The following HDGFL3 variants were observed in gnomAD, a reference collection of about 807,000 sequenced individuals.
HDGFL3 encodes hepatoma-derived growth factor-related protein 3.
Under a neutral mutation model 27.6 loss-of-function variants are expected in HDGFL3, and 6 were observed. The observed-to-expected ratio is 0.22, with a 90% confidence interval of 0.12 to 0.43. The LOEUF (loss-of-function observed/expected upper bound fraction) is 0.43. Among genes scored for constraint, HDGFL3 ranks in the 20% least tolerant of loss-of-function variants. The pLI, the probability that HDGFL3 is intolerant of heterozygous loss-of-function variation, is 1.00. For synonymous variants in HDGFL3, 88 were observed against 88.9 expected, an observed-to-expected ratio of 0.99 and a Z score of 0.05; for missense variants, 207 against 250.1, an observed-to-expected ratio of 0.83 and a Z score of 1.16.
rs114166284 is a variant in HDGFL3 at position 83,174,820 on chromosome 15, A to C, written c.85-10745T>G. Among the ~76,000 whole-genome samples, 1,057 of 152,344 alleles carry C rather than the reference A, an allele frequency of 6.9e-3. 20 individuals are homozygous for C. Among genetic ancestry groups the C allele is most frequent in the African/African-American group, 0.025 (1,029 of 41,578 alleles). The stretch of plus-strand genomic sequence containing the variant: ...TTTGAAACTTCTTTCAAACAAAAAC[A>C]ACCTTTGGTTAAGCTCTTCCTCTGC... On this transcript the variant is annotated intron_variant, in intron 1 of 5. Transcript: ENST00000299633.
intron 5 of HDGFL3, among the ~76,000 whole-genome samples, chr15:83,141,657 C>G (rs1256170501): frequency 6.6e-6 from 1 of 152,070 alleles, no homozygotes; most frequent in Non-Finnish European, 1.5e-5. Flanking sequence ...GATCACAGCT[C>G]ACTGCAGCCT....
rs866262617 is a variant in HDGFL3, at chr15:83,136,761, C to A, written c.*2509G>T. The A allele has an allele frequency of 6.5e-5, 70 of 1,074,596 alleles. 1 individual carries two copies. Among genetic ancestry groups the A allele is most frequent in the South Asian group, 2.6e-4 (16 of 62,592 alleles). 66.6% of individuals were successfully genotyped at this position (1,074,596 alleles called of 1,614,324 possible). A position where few individuals can be genotyped will look rare whatever the true frequency, so the allele number is the denominator to read the frequency against. On this transcript the variant is annotated 3_prime_UTR_variant, in exon 6 of 6. Transcript: ENST00000299633. The stretch of plus-strand genomic sequence containing the variant: ...TGTCCCATTTCACTCTCTTCTCATA[C>A]GTGAGTACTTAAGAATATGTACATT...
intron 1 of HDGFL3, among the ~76,000 whole-genome samples, chr15:83,199,013 C>CA (rs1013784597): frequency 6.6e-6 from 1 of 152,144 alleles, no homozygotes; most frequent in Non-Finnish European, 1.5e-5. Flanking sequence ...AGGTTACAGT[C>CA]AAAAAACCTG....
At chr15:83,175,168 A>G (rs2037293363) in intron 1 of HDGFL3, among the ~76,000 whole-genome samples, 2 of 152,160 alleles carry the variant, frequency 1.3e-5, no homozygotes, top group African/African-American at 4.8e-5. Flanking sequence ...AACACTGTAA[A>G]TGTCTTCTTT....
intron 1 of HDGFL3, chr15:83,189,418 T>C (rs2037484387): frequency 1.3e-5 from 2 of 152,518 alleles, no homozygotes; most frequent in South Asian, 4.1e-4. Flanking sequence ...CTGCGCCTCA[T>C]TTGCCTTCTT....
At chr15:83,180,142 T>C (rs2037362142) in intron 1 of HDGFL3, among the ~76,000 whole-genome samples, 1 of 151,104 alleles carries the variant, frequency 6.6e-6, no homozygotes, top group Non-Finnish European at 1.5e-5. Flanking sequence ...AAGACCAAAG[T>C]GTCCTGATTG....
intron 1 of HDGFL3, among the ~76,000 whole-genome samples, chr15:83,183,466 T>TA (rs2037403747): frequency 6.6e-6 from 1 of 152,102 alleles, no homozygotes; most frequent in African/African-American, 2.4e-5. Context: ...TGATTGAATA[T>TA]AAAGAGCACC....
At chr15:83,197,793 C>T (rs1291976668) in intron 1 of HDGFL3, among the ~76,000 whole-genome samples, 5 of 152,038 alleles carry the variant, frequency 3.3e-5, no homozygotes, top group East Asian at 1.9e-4. Flanking sequence ...AGGCCGGGCA[C>T]GGTGGCTCAC....
At chr15:83,177,065 G>A (rs1026097935) in intron 1 of HDGFL3, among the ~76,000 whole-genome samples, 2 of 152,090 alleles carry the variant, frequency 1.3e-5, no homozygotes, top group Admixed American at 6.5e-5. Context: ...TTACAGGCAC[G>A]TGTCACTATG....
At chr15:83,113,095 C>T in exon 4 of HDGFL3, 1 of 593,200 alleles carries the variant, frequency 1.7e-6, no homozygotes, top group Non-Finnish European at 3.0e-6. Context: ...CACCCTCTCC[C>T]AGGTGGCATC....
At chr15:83,172,822 C>CA (rs767796165) in intron 1 of HDGFL3, among the ~76,000 whole-genome samples, 2,403 of 66,378 alleles carry the variant, frequency 0.036, 49 homozygotes, top group African/African-American at 0.083. Context: ...GACTCCAGCT[C>CA]AAAAAAAAAA....
intron 1 of HDGFL3, among the ~76,000 whole-genome samples, chr15:83,179,486 C>T (rs2037353264): frequency 2.0e-5 from 3 of 152,178 alleles, no homozygotes; most frequent in Admixed American, 2.0e-4. Context: ...TGGTTTTGTT[C>T]ATTGTAGGAG....
At chr15:83,205,262 A>C (rs540602666) in intron 1 of HDGFL3, among the ~76,000 whole-genome samples, 1 of 152,234 alleles carries the variant, frequency 6.6e-6, no homozygotes, top group Non-Finnish European at 1.5e-5. Flanking sequence ...AGGGGACTCA[A>C]ATCTTTTTCT....
At chr15:83,170,011 C>G (rs1479369570) in intron 1 of HDGFL3, among the ~76,000 whole-genome samples, 3 of 152,106 alleles carry the variant, frequency 2.0e-5, no homozygotes, top group African/African-American at 7.2e-5. Context: ...ATACATCTAA[C>G]CAAGGAGGTG....
At chr15:83,125,165 G>C (rs897181910), downstream of HDGFL3, among the ~76,000 whole-genome samples, 1 of 152,166 alleles carries the variant, frequency 6.6e-6, no homozygotes, top group Non-Finnish European at 1.5e-5. Flanking sequence ...TCAGGAGTAG[G>C]GGCAATGGGG....
intron 1 of HDGFL3, chr15:83,192,439 C>T (rs924562432): frequency 7.8e-6 from 3 of 382,470 alleles, no homozygotes; most frequent in African/African-American, 6.3e-5. Context: ...GTTAAGAGAG[C>T]AGACATGGTG....
chr15:83,206,573 G>A (rs2037719814), intron 1 of HDGFL3, among the ~76,000 whole-genome samples: 1 of 152,216 alleles, frequency 6.6e-6, no homozygotes, highest in Admixed American at 6.5e-5. Flanking sequence ...GGAAGAGAGA[G>A]CTATTGTGGA....
At chr15:83,141,677 G>A (rs920100901) in intron 5 of HDGFL3, among the ~76,000 whole-genome samples, 43 of 152,114 alleles carry the variant, frequency 2.8e-4, no homozygotes, top group African/African-American at 1.0e-3. Flanking sequence ...TTGAACTCCT[G>A]GCCTCAAGCT....
chr15:83,125,721 T>C (rs930249060), downstream of HDGFL3, among the ~76,000 whole-genome samples: 3 of 152,242 alleles, frequency 2.0e-5, no homozygotes, highest in South Asian at 2.1e-4. Flanking sequence ...CGCGTAACAG[T>C]TGGACAGTAG....
Sources: gnomAD v4.1 joint callset for allele counts (sites outside exome capture counted in the v4.1 genomes callset) on GRCh38, gnomAD v4.1.1 for gene constraint, MANE v1.5 for transcripts, NCBI Gene and HGNC (gene_info 2026-07-23, HGNC 2026-07-21) for gene names.